Variants in MON1A observed in about 807,000 individuals in gnomAD.
MON1A encodes vacuolar fusion protein MON1 homolog A.
Under a neutral mutation model 44.6 loss-of-function variants are expected in MON1A, and 29 were observed. The ratio of observed to expected loss-of-function variants is 0.65; its 90% CI spans 0.48 to 0.89. The LOEUF is 0.89. Ranked by LOEUF, MON1A falls within the 40% of genes least tolerant of loss-of-function variation. The pLI is 0.00. For missense variants in MON1A, 615 were observed against 759.6 expected, an observed-to-expected ratio of 0.81 and a Z score of 2.24; for synonymous variants, 275 against 316.4, an observed-to-expected ratio of 0.87 and a Z score of 1.39.
Position 49,911,719 on chromosome 3 carries a change from G to A in MON1A, c.420C>T (p.Thr140=), listed in dbSNP as rs768268934. The change falls in exon 3 of 6, where the codon ACC becomes ACT. Residue 140 remains threonine (T), a synonymous_variant. Transcript: ENST00000296473. The surrounding 1 kb of genome is among the most constrained non-coding windows in gnomAD (Gnocchi z 5.7). ...PATEPPREGT[T]EGDEEDATEA... ...CCGTGGCATCCTCCTCATCCCCCTC[G>A]GTTGTGCCCTCCCTGGGGGGCTCTG... 1.1e-5 allele frequency: 18 copies of A among 1,613,792 alleles called. No individual in the cohort carries two copies. In the African/African-American group the frequency reaches 1.2e-4, roughly 11 times the overall value.
At position 49,910,485 on chromosome 3, in the gene MON1A, T is replaced by A; in HGVS notation, c.1013A>T (p.Gln338Leu). 6.2e-7 allele frequency: 1 copy of A among 1,614,014 alleles called. No individual in the cohort carries two copies. ...QLVALVRRKD[Q>L]FLHPIDLHLL... ...GTGCAGGTCGATGGGGTGCAGAAAT[T>A]GGTCCTTTCGGCGCACGAGTGCCAC... Residue 338 changes from glutamine to leucine, a missense_variant, in exon 4 of 6, where the codon CAA becomes CTA. Gln to Leu is a moderately radical substitution (Grantham distance 113, BLOSUM62 -2). Transcript: ENST00000296473. The surrounding 1 kb of genome is among the most constrained non-coding windows in gnomAD (Gnocchi z 8.0).
intron 1 of MON1A, 101 bp from the exon 2 acceptor site, chr3:49,913,460 A>AAT: frequency 9.0e-7 from 1 of 1,108,302 alleles, no homozygotes. Flanking sequence ...TCAGGACTCC[A>AAT]CTAACTCAAA....
In MON1A at chr3:49,913,254, G is replaced by A. The variant is rs2082908072; in HGVS notation, c.93C>T (p.Ser31=). 1 of 1,614,194 alleles carries A rather than the reference G, an allele frequency of 6.2e-7. No homozygotes were observed. Among genetic ancestry groups the A allele is most frequent in the East Asian group, 2.2e-5 (1 of 44,884 alleles). The change falls in exon 2 of 6, where the codon AGC becomes AGT. Residue 31 remains serine, a synonymous_variant. Transcript: ENST00000296473. ...SDGQSMERAE[S]PTPGMAQGME... ...TTCCCTGGGCCATTCCTGGTGTGGGGCTCTCAGCTCTCTCCATACTCTGTC... is the reference window on the plus strand; with the variant it reads ...TTCCCTGGGCCATTCCTGGTGTGGGACTCTCAGCTCTCTCCATACTCTGTC...
intron 1 of MON1A, among the ~76,000 whole-genome samples, chr3:49,917,812 C>T (rs1349824801): frequency 4.6e-5 from 7 of 151,430 alleles, no homozygotes; most frequent in African/African-American, 1.5e-4. Flanking sequence ...TTTGGGAAGC[C>T]GAGGCGGGCA....
In MON1A at chr3:49,909,205, C is replaced by T. The variant is rs374883917; in HGVS notation, c.1527+48G>A. 8 of 1,612,812 alleles carry T rather than the reference C, an allele frequency of 5.0e-6. No homozygotes were observed. Among genetic ancestry groups the T allele is most frequent in the Admixed American group, 1.7e-5 (1 of 59,850 alleles). ...TCTAGGTTAGAGGCCCCTCATGGCC[C>T]ATACCTAGGACCTCCATAAAGCCCA... is the stretch of plus-strand genomic sequence containing the variant. On this transcript the variant is annotated intron_variant, in intron 5 of 5. Transcript: ENST00000296473. This position sits in a 1 kb window ranked among gnomAD's most constrained non-coding sequence, Gnocchi z 4.0.
chr3:49,913,343 C>T lies in MON1A; in HGVS notation c.4G>A (p.Ala2Thr), dbSNP rs780195420. 32 of 1,611,624 alleles carry T rather than the reference C, an allele frequency of 2.0e-5. No homozygotes were observed. The South Asian group carries it at 3.2e-4, about 16-fold the overall frequency. The change falls in exon 2 of 6, where the codon GCT (alanine) becomes ACT (threonine). Residue 2 changes from alanine (A) to threonine (T), a missense_variant. Coordinates refer to ENST00000296473, the MANE Select transcript of MON1A (RefSeq NM_032355.4). M[A>T]TDMQRKRSSE... ...CTTCTCTTCCTCTGCATGTCAGTAG[C>T]CATCCTTTGAGCTCTCCTGTGGGGC... is the stretch of plus-strand genomic sequence containing the variant.
At chr3:49,919,634 C>G (rs1415976429) in intron 1 of MON1A, among the ~76,000 whole-genome samples, 3 of 152,156 alleles carry the variant, frequency 2.0e-5, no homozygotes, top group Non-Finnish European at 4.4e-5. Flanking sequence ...CGCCCACCAC[C>G]ACACCTGGCT....
chr3:49,913,092 T>C (rs763983403), intron 2 of MON1A, 128 bp downstream of exon 2: 3 of 1,313,974 alleles, frequency 2.3e-6, no homozygotes, highest in Non-Finnish European at 2.2e-6. Context: ...CCCCAGAACC[T>C]GACAAATATC....
chr3:49,920,622 G>A (rs905378001), intron 1 of MON1A: 3 of 150,162 alleles, frequency 2.0e-5, no homozygotes, highest in Non-Finnish European at 4.4e-5. Context: ...GGTGGATCAC[G>A]AGGTCAGAAG....
At chr3:49,913,556 T>TA (rs1028283691) in intron 1 of MON1A, among the ~76,000 whole-genome samples, 197 bp from the exon 2 acceptor site, 11 of 150,662 alleles carry the variant, frequency 7.3e-5, no homozygotes, top group Admixed American at 1.3e-4. Context: ...ATATTCATTG[T>TA]AAAAAAAAGA....
intron 1 of MON1A, among the ~76,000 whole-genome samples, chr3:49,914,510 A>C (rs2082926043): frequency 6.7e-6 from 1 of 148,910 alleles, no homozygotes; most frequent in African/African-American, 2.5e-5. Flanking sequence ...AATAGCTGGG[A>C]CTACAAGCAC....
At chr3:49,928,145 G>A (rs1319410500) in intron 1 of MON1A, among the ~76,000 whole-genome samples, 1 of 152,210 alleles carries the variant, frequency 6.6e-6, no homozygotes, top group African/African-American at 2.4e-5. Flanking sequence ...CAGCTGGCCA[G>A]AGCTAGTGGA....
chr3:49,923,245 G>C (rs946507540), intron 1 of MON1A, among the ~76,000 whole-genome samples: 3 of 150,174 alleles, frequency 2.0e-5, no homozygotes, highest in South Asian at 2.1e-4. Context: ...GGGAGGCTGA[G>C]GCAGGAGAAT....
rs1040692385 is a variant in MON1A, at chr3:49,929,607, A to G, written c.-14+2T>C. The G allele has an allele frequency of 5.2e-6, 8 of 1,551,364 alleles. No individual in the cohort carries two copies. The African/African-American group carries it at 6.8e-5, about 13-fold the overall frequency. The stretch of plus-strand genomic sequence containing the variant: ...GGCCACGTGGGCTGGCAGTCAACTC[A>G]CCTGTTTCTCAGAGGAGTCCAGGAC... On this transcript the variant is annotated splice_donor_variant, in intron 1 of 5. Transcript: ENST00000296473. LOFTEE classifies it low-confidence loss of function (5UTR_SPLICE).
At chr3:49,913,921 ATTGTTG>A (rs528585597) in intron 1 of MON1A, among the ~76,000 whole-genome samples, 1 of 149,426 alleles carries the variant, frequency 6.7e-6, no homozygotes, top group Non-Finnish European at 1.5e-5. Flanking sequence ...CTCTCGGCAG[ATTGTTG>A]TTGTTGTTGT....
chr3:49,922,282 T>C (rs1343754984), intron 1 of MON1A, among the ~76,000 whole-genome samples: 10 of 151,210 alleles, frequency 6.6e-5, no homozygotes, highest in Non-Finnish European at 1.3e-4. Flanking sequence ...CCCGTCTCTA[T>C]TAAAAATAAA....
rs769797441 is a variant in MON1A, at chr3:49,910,811, T to C, written c.687A>G (p.Ala229=). ...LVAVARTRQS[A]QELAQELLYI... ...AGAGCAGCTCCTGCGCCAGCTCTTGTGCCGACTGCCGCGTACGAGCCACCG... is the reference window on the plus strand; with the variant it reads ...AGAGCAGCTCCTGCGCCAGCTCTTGCGCCGACTGCCGCGTACGAGCCACCG... Residue 229 remains alanine (A), a synonymous_variant, in exon 4 of 6, where the codon GCA becomes GCG. Coordinates refer to ENST00000296473, the MANE Select transcript of MON1A (RefSeq NM_032355.4). The surrounding 1 kb of genome is among the most constrained non-coding windows in gnomAD (Gnocchi z 8.0). 1.2e-6 allele frequency: 2 copies of C among 1,613,222 alleles called. No individual in the cohort carries two copies.
intron 1 of MON1A, among the ~76,000 whole-genome samples, chr3:49,918,135 G>A (rs1382224178): frequency 6.6e-6 from 1 of 151,928 alleles, no homozygotes; most frequent in Admixed American, 6.6e-5. Context: ...TCAGGAGTTC[G>A]CAACCAGCCT....
At position 49,910,227 on chromosome 3, in the gene MON1A, A is replaced by G. The variant is rs141207531; in HGVS notation, c.1271T>C (p.Leu424Pro). ...QERLRKRGAHLALREALRTPY... is the reference protein window; with the variant it reads ...QERLRKRGAHPALREALRTPY... ...TGTGCGCAGTGCCTCTCGCAGGGCC[A>G]GGTGGGCTCCGCGCTTGCGAAGGCG... Residue 424 changes from leucine (L) to proline (P), a missense_variant, in exon 4 of 6, where the codon CTG becomes CCG. By Grantham distance (98) the Leu-to-Pro change is moderately conservative. Transcript: ENST00000296473. The surrounding 1 kb of genome is among the most constrained non-coding windows in gnomAD (Gnocchi z 8.0). 7 of 1,614,020 alleles carry G rather than the reference A, an allele frequency of 4.3e-6. No homozygotes were observed. The African/African-American group carries it at 8.0e-5, about 18-fold the overall frequency.
Sources: gnomAD v4.1 joint callset for allele counts (sites outside exome capture counted in the v4.1 genomes callset) on GRCh38, gnomAD v4.1.1 for gene constraint, Gnocchi (gnomAD v3.1) non-coding constraint, MANE v1.5 for transcripts, NCBI Gene and HGNC (gene_info 2026-07-23, HGNC 2026-07-21) for gene names.